The following DGLUCY variants were observed in gnomAD, a reference collection of about 807,000 sequenced individuals.
DGLUCY encodes the protein D-glutamate cyclase.
A neutral mutation model predicts 58.5 loss-of-function variants in DGLUCY; 58 were observed. The observed-to-expected ratio is 0.99, with a 90% CI of 0.80 to 1.23. The LOEUF (loss-of-function observed/expected upper bound fraction) is 1.23. DGLUCY is among the 50% of genes most tolerant of loss of function. The pLI, the probability that DGLUCY is intolerant of heterozygous loss-of-function variation, is 0.00. For missense variants in DGLUCY, 779 were observed against 784.7 expected (o/e 0.99, Z 0.09); for synonymous variants, 325 against 314.1 (o/e 1.03, Z -0.37).
At chr14:91,071,866 C>CAA (rs921798938) in intron 1 of DGLUCY, among the ~76,000 whole-genome samples, 4 of 108,374 alleles carry the variant, frequency 3.7e-5, no homozygotes, top group South Asian at 5.8e-4. Flanking sequence ...GACTCCATCT[C>CAA]AAAAAAAAAA....
At chr14:91,112,689 A>C (rs2044726804), upstream of DGLUCY, among the ~76,000 whole-genome samples, 1 of 152,148 alleles carries the variant, frequency 6.6e-6, no homozygotes, top group South Asian at 2.1e-4. Flanking sequence ...GAGAAAAAGA[A>C]GCAAAAACAA....
chr14:91,151,525 C>T (rs565769061), intron 1 of DGLUCY, among the ~76,000 whole-genome samples: 76 of 152,146 alleles, frequency 5.0e-4, no homozygotes, highest in African/African-American at 1.8e-3. Flanking sequence ...GGAGTACAGG[C>T]GTGAGCCACC....
intron 5 of DGLUCY, among the ~76,000 whole-genome samples, chr14:91,171,778 C>G (rs1364627080): frequency 9.2e-5 from 14 of 152,238 alleles, no homozygotes; most frequent in Non-Finnish European, 5.9e-5. Flanking sequence ...CAATAAAAGT[C>G]ACACAGATCA....
At chr14:91,185,271 ATTTTT>A (rs35639010) in intron 8 of DGLUCY, among the ~76,000 whole-genome samples, 6 of 38,342 alleles carry the variant, frequency 1.6e-4, no homozygotes, top group African/African-American at 1.9e-4. Context: ...GCCCAGCCGG[ATTTTT>A]TTTTTTTTTT....
At chr14:91,167,445 G>C (rs745343852) in intron 4 of DGLUCY, 67 bp downstream of exon 4, 6 of 1,594,636 alleles carry the variant, frequency 3.8e-6, no homozygotes, top group Non-Finnish European at 5.2e-6. Flanking sequence ...AGGTGTCTCT[G>C]TCATCCGGGA....
intron 11 of DGLUCY, among the ~76,000 whole-genome samples, chr14:91,203,365 C>G (rs1204225670): frequency 2.0e-5 from 3 of 152,204 alleles, no homozygotes; most frequent in Non-Finnish European, 4.4e-5. Flanking sequence ...AGCTCTAGAT[C>G]CCACAAAGAA....
intron 13 of DGLUCY, among the ~76,000 whole-genome samples, chr14:91,218,747 T>C (rs1269772706): frequency 6.6e-6 from 1 of 152,132 alleles, no homozygotes; most frequent in African/African-American, 2.4e-5. Context: ...CACATGTTTG[T>C]TGAGCCCCGC....
At chr14:91,104,000 T>C (rs1369400861), upstream of DGLUCY, among the ~76,000 whole-genome samples, 1 of 151,554 alleles carries the variant, frequency 6.6e-6, no homozygotes, top group African/African-American at 2.4e-5. Context: ...TGCAGAGCAG[T>C]AGTGCTCAAC....
At chr14:91,211,800 T>TTTGATTGATTGA (rs79998257) in intron 12 of DGLUCY, among the ~76,000 whole-genome samples, 32,722 of 151,658 alleles carry the variant, frequency 0.22, 3,828 homozygotes, top group African/African-American at 0.26. Flanking sequence ...TTTATTTTAA[T>TTTGATTGATTGA]TTGATTGATT....
rs1340967739 is a variant in DGLUCY at position 91,199,853 on chromosome 14, C to T, written c.1392C>T (p.Pro464=). ...RKMNIKHLVD[P]IDDLFLAAKK... Reference sequence around the variant, plus strand: ...TGAACATCAAGCACTTGGTTGACCCCATTGACGATCTTTTTCTTGCTGCGA... The same window carrying T: ...TGAACATCAAGCACTTGGTTGACCCTATTGACGATCTTTTTCTTGCTGCGA... The change falls in exon 11 of 14, where the codon CCC becomes CCT. Residue 464 remains proline, a synonymous_variant. Transcript: ENST00000256324. 15 of 1,614,162 alleles carry T rather than the reference C, an allele frequency of 9.3e-6. No individual in the cohort carries two copies. The highest frequency in any genetic ancestry group is 1.3e-5 in the Non-Finnish European group (15 of 1,180,040).
intron 12 of DGLUCY, among the ~76,000 whole-genome samples, chr14:91,208,917 A>C (rs545710206): frequency 6.6e-6 from 1 of 152,346 alleles, no homozygotes; most frequent in South Asian, 2.1e-4. Context: ...GGCATCCACT[A>C]AAAAATTAAT....
chr14:91,130,171 C>A (rs1402133356), intron 1 of DGLUCY, among the ~76,000 whole-genome samples: 1 of 152,148 alleles, frequency 6.6e-6, no homozygotes, highest in Admixed American at 6.6e-5. Context: ...CACTACAAGT[C>A]AGTAATGGTG....
At chr14:91,086,242 TATA>T (rs1335044161) in intron 1 of DGLUCY, among the ~76,000 whole-genome samples, 3 of 152,182 alleles carry the variant, frequency 2.0e-5, no homozygotes, top group African/African-American at 4.8e-5. Flanking sequence ...ATCATTTCAT[TATA>T]TATTACAATG....
intron 1 of DGLUCY, among the ~76,000 whole-genome samples, chr14:91,084,963 C>G (rs2140053913): frequency 6.6e-6 from 1 of 152,272 alleles, no homozygotes; most frequent in Non-Finnish European, 1.5e-5. Flanking sequence ...TGGCTTGTGC[C>G]TGTAATCCCA....
At chr14:91,155,567 T>G (rs2047570856) in intron 1 of DGLUCY, among the ~76,000 whole-genome samples, 1 of 152,072 alleles carries the variant, frequency 6.6e-6, no homozygotes, top group African/African-American at 2.4e-5. Flanking sequence ...CCTGGCACTT[T>G]GAGAGGCCAA....
chr14:91,223,985 G>A (rs1350067467), intron 13 of DGLUCY, among the ~76,000 whole-genome samples: 1 of 152,148 alleles, frequency 6.6e-6, no homozygotes, highest in Non-Finnish European at 1.5e-5. Context: ...CTTCAGGATG[G>A]GGGCTTGTAT....
intron 6 of DGLUCY, among the ~76,000 whole-genome samples, chr14:91,174,038 C>T (rs185377113): frequency 2.0e-5 from 3 of 152,004 alleles, no homozygotes; most frequent in East Asian, 1.9e-4. Context: ...CACCCCTCCC[C>T]GCAACCTCCA....
intron 13 of DGLUCY, among the ~76,000 whole-genome samples, chr14:91,219,644 A>G (rs558213346): frequency 6.6e-6 from 1 of 152,342 alleles, no homozygotes; most frequent in Admixed American, 6.5e-5. Flanking sequence ...AGGCCAGATA[A>G]GGTGGACATC....
chr14:91,135,671 A>AAC (rs2046288642), intron 1 of DGLUCY, among the ~76,000 whole-genome samples: 1 of 150,930 alleles, frequency 6.6e-6, no homozygotes, highest in Non-Finnish European at 1.5e-5. Context: ...AAAAAAAAAA[A>AAC]AAACAAGTAT....
Sources: gnomAD v4.1 joint callset for allele counts (sites outside exome capture counted in the v4.1 genomes callset) on GRCh38, gnomAD v4.1.1 for gene constraint, MANE v1.5 for transcripts, NCBI Gene and HGNC (gene_info 2026-07-23, HGNC 2026-07-21) for gene names.